Variants in ARID4A observed in about 807,000 individuals in gnomAD.
ARID4A encodes the protein AT-rich interaction domain 4A, also known as AT-rich interactive domain-containing protein 4A.
A neutral mutation model predicts 148.6 loss-of-function variants in ARID4A; 39 were observed. The ratio of observed to expected loss-of-function variants is 0.26; its 90% CI spans 0.20 to 0.34. The LOEUF is 0.34. Ranked by LOEUF, ARID4A falls within the 10% of genes least tolerant of loss-of-function variation. The probability of loss-of-function intolerance (pLI) is 1.00; values close to 1 mark genes in which losing one functional copy is unlikely to be tolerated. For synonymous variants in ARID4A, 475 were observed against 481.2 expected (o/e 0.99, Z 0.17); for missense variants, 1,265 against 1,449.1 (o/e 0.87, Z 2.06).
chr14:58,299,692 G>A (rs1594853351), intron 1 of ARID4A, 106 bp from the exon 2 acceptor site: 1 of 937,074 alleles, frequency 1.1e-6, no homozygotes, highest in Non-Finnish European at 1.7e-6. Flanking sequence ...CCCTTGGCTG[G>A]TGAGGATTCT....
chr14:58,320,860 G>T (rs1480732749), intron 7 of ARID4A, among the ~76,000 whole-genome samples: 3 of 152,124 alleles, frequency 2.0e-5, no homozygotes, highest in Non-Finnish European at 4.4e-5. Context: ...GCCCGCCTCG[G>T]CCTCCCAAAG....
At chr14:58,355,405 T>TA (rs1465609550) in intron 17 of ARID4A, among the ~76,000 whole-genome samples, 3 of 152,212 alleles carry the variant, frequency 2.0e-5, no homozygotes, top group Non-Finnish European at 2.9e-5. Flanking sequence ...TTCCTATACA[T>TA]ACATACCTAC....
In ARID4A at chr14:58,317,707, G is replaced by A. The variant is rs1201016875; in HGVS notation, c.275-835G>A. ...GCACAATCATGGCTCACTAACCATGGTTGAGCCTTGGTTTTTCGCGGCTCA... is the reference window on the plus strand; with the variant it reads ...GCACAATCATGGCTCACTAACCATGATTGAGCCTTGGTTTTTCGCGGCTCA... On this transcript the variant is annotated intron_variant, in intron 5 of 23. Coordinates refer to ENST00000355431, the MANE Select transcript of ARID4A (RefSeq NM_002892.4). 8.2e-4 allele frequency among the ~76,000 whole-genome samples: 104 copies of A among 127,406 alleles called. 1 individual carries two copies. The highest frequency in any genetic ancestry group is 3.2e-3 in the African/African-American group (103 of 32,668). 83.6% of individuals were successfully genotyped at this position (127,406 alleles called of 152,430 possible).
chr14:58,333,562 A>C (rs1057114289), intron 11 of ARID4A, among the ~76,000 whole-genome samples: 3 of 152,108 alleles, frequency 2.0e-5, no homozygotes, highest in Admixed American at 6.6e-5. Flanking sequence ...GAATTCAGTG[A>C]ATTTTTAAAT....
chr14:58,359,212 C>CTAAA lies in ARID4A; in HGVS notation c.1935_1938dup (p.Asn647Ter). On this transcript the variant is annotated frameshift_variant, in exon 18 of 24. Coordinates refer to ENST00000355431, the MANE Select transcript of ARID4A (RefSeq NM_002892.4). LOFTEE classifies it high-confidence loss of function. ...CCAAAGAAAAAACAGAAGAAAAAAG[C>CTAAA]TAAAGTATGTTTGTAGATTTATGTC... is the stretch of plus-strand genomic sequence containing the variant. The CTAAA allele has an allele frequency of 6.3e-7, 1 of 1,586,326 alleles. No individual in the cohort carries two copies. Among genetic ancestry groups the CTAAA allele is most frequent in the Non-Finnish European group, 8.5e-7 (1 of 1,172,220 alleles).
At position 58,356,440 on chromosome 14, in the gene ARID4A, T is replaced by C. The variant is rs76638158; in HGVS notation, c.1853+2585T>C. Among the ~76,000 whole-genome samples, 938 of 152,318 alleles carry C rather than the reference T, an allele frequency of 6.2e-3. 14 individuals carry two copies. Among genetic ancestry groups the C allele is most frequent in the African/African-American group, 0.022 (908 of 41,556 alleles). ...ACATACTTCCTGATACAGTGCATAC[T>C]AGTAGGCCCTCAGTAAATGTTCAAA... is the stretch of plus-strand genomic sequence containing the variant. On this transcript the variant is annotated intron_variant, in intron 17 of 23. Coordinates refer to ENST00000355431, the MANE Select transcript of ARID4A (RefSeq NM_002892.4).
At chr14:58,304,716 T>C (rs998303206) in intron 3 of ARID4A, among the ~76,000 whole-genome samples, 3 of 152,158 alleles carry the variant, frequency 2.0e-5, no homozygotes, top group African/African-American at 7.2e-5. Flanking sequence ...TATTAAGTGC[T>C]GATAATATGC....
intron 11 of ARID4A, among the ~76,000 whole-genome samples, chr14:58,337,130 G>C (rs912351591): frequency 1.3e-5 from 2 of 149,994 alleles, no homozygotes; most frequent in Non-Finnish European, 3.0e-5. Flanking sequence ...GGCCTCAAGT[G>C]ATCTGCCCAC....
chr14:58,326,219 C>T (rs1239628460), intron 8 of ARID4A, among the ~76,000 whole-genome samples: 2 of 152,022 alleles, frequency 1.3e-5, no homozygotes, highest in African/African-American at 4.8e-5. Context: ...GGGCAGATCA[C>T]GAGGTCAGGA....
chr14:58,308,301 G>A (rs1397648967), intron 5 of ARID4A, among the ~76,000 whole-genome samples: 2 of 152,192 alleles, frequency 1.3e-5, no homozygotes, highest in South Asian at 2.1e-4. Flanking sequence ...GAATCACTTG[G>A]TGCTTGCTTA....
chr14:58,331,331 C>T (rs1174568926), intron 11 of ARID4A: 1 of 152,118 alleles, frequency 6.6e-6, no homozygotes, highest in Non-Finnish European at 1.5e-5. Flanking sequence ...TCTTTCTTTT[C>T]CTTTCATGTA....
Position 58,337,246 on chromosome 14 carries a change from T to TATATATATA in ARID4A, c.906+7077_906+7078insATATATATA, listed in dbSNP as rs1555361738. ...AAATCTCCTAGAACCTTCTCTTTAT[T>TATATATATA]TATATATATATATATATATATAATT... is the stretch of plus-strand genomic sequence containing the variant. On this transcript the variant is annotated intron_variant, in intron 11 of 23. Coordinates refer to ENST00000355431, the MANE Select transcript of ARID4A (RefSeq NM_002892.4). Among the ~76,000 whole-genome samples, 17 of 83,814 alleles carry TATATATATA rather than the reference T, an allele frequency of 2.0e-4. 1 individual carries two copies. The highest frequency in any genetic ancestry group is 3.3e-4 in the African/African-American group (8 of 24,116). The allele number at this position is 83,814 out of a possible 152,430, so 55.0% of individuals were successfully genotyped here. A position where few individuals can be genotyped will look rare whatever the true frequency, so the allele number is the denominator to read the frequency against.
chr14:58,345,252 A>G (rs1188281868), intron 12 of ARID4A, among the ~76,000 whole-genome samples: 2 of 152,310 alleles, frequency 1.3e-5, no homozygotes, highest in Admixed American at 6.5e-5. Flanking sequence ...TAAACTGTTC[A>G]TACCTATTTT....
chr14:58,321,481 T>G (rs192517472), intron 7 of ARID4A, among the ~76,000 whole-genome samples: 26 of 152,300 alleles, frequency 1.7e-4, no homozygotes, highest in African/African-American at 6.0e-4. Context: ...TCACCATTTC[T>G]TGAGCACTTT....
At chr14:58,363,802 TAGA>T (rs1211801148) in intron 19 of ARID4A, among the ~76,000 whole-genome samples, 9 of 152,334 alleles carry the variant, frequency 5.9e-5, no homozygotes, top group African/African-American at 2.2e-4. Flanking sequence ...CTGTCCTTCC[TAGA>T]TACTATCTCA....
At chr14:58,306,255 A>G (rs543254532) in intron 5 of ARID4A, 143 bp downstream of exon 5, 1 of 571,566 alleles carries the variant, frequency 1.7e-6, no homozygotes, top group South Asian at 2.9e-5. Flanking sequence ...TAAAATTCTA[A>G]GAATGCCCTG....
At chr14:58,311,853 T>C (rs2032057594) in intron 5 of ARID4A, among the ~76,000 whole-genome samples, 1 of 147,626 alleles carries the variant, frequency 6.8e-6, no homozygotes, top group Non-Finnish European at 1.5e-5. Flanking sequence ...ACAAATACCA[T>C]ATGATCTCAC....
Position 58,299,800 on chromosome 14 carries a change from C to G in ARID4A, c.-55C>G, listed in dbSNP as rs2030977783. ...CCTGTCTTTCCCCCTCCCCATAGTTCTAGCGACTGCGAAGATAGCTCGCTG... is the reference window on the plus strand; with the variant it reads ...CCTGTCTTTCCCCCTCCCCATAGTTGTAGCGACTGCGAAGATAGCTCGCTG... On this transcript the variant is annotated splice_region_variant and 5_prime_UTR_variant, in exon 2 of 24. Coordinates refer to ENST00000355431, the MANE Select transcript of ARID4A (RefSeq NM_002892.4). The G allele has an allele frequency of 1.6e-5, 26 of 1,613,564 alleles. No homozygotes were observed. Among genetic ancestry groups the G allele is most frequent in the South Asian group, 5.5e-5 (5 of 91,070 alleles).
chr14:58,320,622 C>T (rs1361598881), intron 7 of ARID4A, among the ~76,000 whole-genome samples: 15 of 140,704 alleles, frequency 1.1e-4, no homozygotes, highest in African/African-American at 3.0e-4. Flanking sequence ...TTTTTTTTTC[C>T]CCTGAGACGG....
Sources: gnomAD v4.1 joint callset for allele counts (sites outside exome capture counted in the v4.1 genomes callset) on GRCh38, gnomAD v4.1.1 for gene constraint, MANE v1.5 for transcripts, NCBI Gene and HGNC (gene_info 2026-07-23, HGNC 2026-07-21) for gene names.